NDST3: variants seen among roughly 807,000 people sequenced by gnomAD.
NDST3 encodes the protein N-deacetylase and N-sulfotransferase 3.
Under a neutral mutation model 96.1 loss-of-function variants are expected in NDST3, and 58 were observed. The ratio of observed to expected loss-of-function variants is 0.60; its 90% CI spans 0.49 to 0.75. The LOEUF (loss-of-function observed/expected upper bound fraction) is 0.75. NDST3 is among the 30% of genes least tolerant of loss of function. The pLI is 0.00. For missense variants in NDST3, 788 were observed against 1,034.2 expected (o/e 0.76, Z 3.27); for synonymous variants, 333 against 359.7 (o/e 0.93, Z 0.84).
At chr4:118,213,736 C>T (rs1222837651) in intron 6 of NDST3, among the ~76,000 whole-genome samples, 5 of 149,816 alleles carry the variant, frequency 3.3e-5, no homozygotes, top group East Asian at 3.9e-4. Context: ...ATAATATATA[C>T]TTTTTTATAT....
chr4:118,222,649 T>A (rs1230302124), intron 6 of NDST3, among the ~76,000 whole-genome samples: 5 of 152,052 alleles, frequency 3.3e-5, no homozygotes, highest in African/African-American at 9.7e-5. Flanking sequence ...CTAAGTAGGT[T>A]TTCTTTTACA....
intron 8 of NDST3, among the ~76,000 whole-genome samples, chr4:118,230,616 G>A (rs886685785): frequency 6.6e-6 from 1 of 151,774 alleles, no homozygotes; most frequent in East Asian, 1.9e-4. Flanking sequence ...TTATAACAAA[G>A]ACTTACCGAA....
At chr4:118,057,764 A>G (rs1725547451) in intron 2 of NDST3, among the ~76,000 whole-genome samples, 1 of 152,108 alleles carries the variant, frequency 6.6e-6, no homozygotes. Flanking sequence ...AGTTGGAGTC[A>G]GGAGTTGACT....
intron 2 of NDST3, among the ~76,000 whole-genome samples, chr4:118,095,024 A>C (rs531051943): frequency 6.6e-5 from 10 of 151,990 alleles, no homozygotes; most frequent in Admixed American, 1.3e-4. Context: ...CACCTTGTAC[A>C]CTATAAATAC....
In NDST3 at chr4:118,242,153, A is replaced by G; in HGVS notation, c.2399+4A>G. On this transcript the variant is annotated splice_donor_region_variant and intron_variant, in intron 12 of 13. Coordinates refer to ENST00000296499, the MANE Select transcript of NDST3 (RefSeq NM_004784.3). Reference sequence around the variant, plus strand: ...ATAATTACTCAGAAGCTTTAACGTAAGTTTATATTCTAATTAGTTTATTGA... The same window carrying G: ...ATAATTACTCAGAAGCTTTAACGTAGGTTTATATTCTAATTAGTTTATTGA... 6.5e-7 allele frequency: 1 copy of G among 1,546,150 alleles called. No individual in the cohort carries two copies. Among genetic ancestry groups the G allele is most frequent in the Admixed American group, 1.7e-5 (1 of 57,840 alleles).
chr4:118,107,149 A>G (rs1046385933), intron 3 of NDST3, among the ~76,000 whole-genome samples: 13 of 152,144 alleles, frequency 8.5e-5, no homozygotes, highest in Admixed American at 8.5e-4. Context: ...CCAGTATTGA[A>G]AAGACCATCC....
At position 118,079,154 on chromosome 4, in the gene NDST3, G is replaced by A. The variant is rs1378646067; in HGVS notation, c.981+24263G>A. ...AGGCATTGTTCTAGGAGCTGGTGGT[G>A]TAGTGGTAGCCAAAATGAACAAGTC... On this transcript the variant is annotated intron_variant, in intron 2 of 13. Transcript: ENST00000296499. 3.3e-5 allele frequency among the ~76,000 whole-genome samples: 5 copies of A among 152,210 alleles called. No homozygotes were observed. In the East Asian group the frequency reaches 9.6e-4, roughly 29 times the overall value.
intron 6 of NDST3, among the ~76,000 whole-genome samples, chr4:118,147,414 T>C (rs1242267624): frequency 2.6e-5 from 4 of 152,206 alleles, no homozygotes; most frequent in Non-Finnish European, 4.4e-5. Context: ...GTAATATACC[T>C]AGATACAAAC....
chr4:118,068,312 G>A (rs11098422), intron 2 of NDST3, among the ~76,000 whole-genome samples: 114,266 of 151,646 alleles, frequency 0.75, 45,661 homozygotes, highest in South Asian at 0.92. Context: ...TACTTTTATT[G>A]TTGATGAACC....
chr4:118,137,859 A>G (rs146606211), intron 4 of NDST3, among the ~76,000 whole-genome samples, 195 bp from the exon 5 acceptor site: 7 of 152,330 alleles, frequency 4.6e-5, no homozygotes, highest in African/African-American at 1.7e-4. Context: ...ATGCATCAAC[A>G]TAAGGACTGG....
At chr4:118,150,434 T>G (rs1186134841) in intron 6 of NDST3, among the ~76,000 whole-genome samples, 1 of 151,824 alleles carries the variant, frequency 6.6e-6, no homozygotes, top group African/African-American at 2.4e-5. Context: ...GAAACTACCA[T>G]CAGAGTGAAC....
chr4:118,150,646 T>C (rs7666861), intron 6 of NDST3, among the ~76,000 whole-genome samples: 1,722 of 151,474 alleles, frequency 0.011, 37 homozygotes, highest in African/African-American at 0.038. Flanking sequence ...ATGCTCACCA[T>C]CACTGGCCAT....
In NDST3 at chr4:118,192,714, T is replaced by G. The variant is rs1177077516; in HGVS notation, c.1540-31777T>G. On this transcript the variant is annotated intron_variant, in intron 6 of 13. Transcript: ENST00000296499. ...TGTAGTATAATTTGTTTTTTGTGGG[T>G]TTTTTTTTTTGTTTTTATTGTTTCC... 1.7e-4 allele frequency among the ~76,000 whole-genome samples: 19 copies of G among 114,502 alleles called. 1 individual carries two copies. Among genetic ancestry groups the G allele is most frequent in the East Asian group, 9.0e-4 (4 of 4,420 alleles). 75.1% of individuals were successfully genotyped at this position (114,502 alleles called of 152,430 possible).
chr4:118,201,302 G>A (rs1560714361), intron 6 of NDST3, among the ~76,000 whole-genome samples: 1 of 152,236 alleles, frequency 6.6e-6, no homozygotes, highest in Non-Finnish European at 1.5e-5. Context: ...TGTAAACCTA[G>A]TAATGGTATG....
At chr4:118,122,933 T>C (rs7685325) in intron 4 of NDST3, among the ~76,000 whole-genome samples, 120,568 of 152,140 alleles carry the variant, frequency 0.79, 50,235 homozygotes, top group South Asian at 0.92. Context: ...GAAAGGGTTT[T>C]ATCCCAGGTC....
At chr4:118,152,550 T>C (rs1734467158) in intron 6 of NDST3, among the ~76,000 whole-genome samples, 1 of 152,182 alleles carries the variant, frequency 6.6e-6, no homozygotes, top group African/African-American at 2.4e-5. Flanking sequence ...AAAAGGGGCC[T>C]ACTGTAAATA....
chr4:118,150,771 A>T (rs1734334663), intron 6 of NDST3, among the ~76,000 whole-genome samples: 1 of 151,686 alleles, frequency 6.6e-6, no homozygotes, highest in African/African-American at 2.4e-5. Context: ...AAATAGGAAC[A>T]CTTTTACACT....
At chr4:118,038,995 G>A (rs755561643) in intron 1 of NDST3, among the ~76,000 whole-genome samples, 3 of 152,182 alleles carry the variant, frequency 2.0e-5, no homozygotes, top group Admixed American at 6.5e-5. Flanking sequence ...CAGAATATAT[G>A]TTTGTATATA....
At chr4:118,145,849 A>G (rs926171004) in intron 6 of NDST3, among the ~76,000 whole-genome samples, 1 of 152,206 alleles carries the variant, frequency 6.6e-6, no homozygotes, top group Non-Finnish European at 1.5e-5. Context: ...ATGCCACAAG[A>G]CAGACAAGGA....
Sources: allele counts gnomAD v4.1 joint callset (sites outside exome capture counted in the v4.1 genomes callset), GRCh38; gene constraint gnomAD v4.1.1; transcripts MANE v1.5; gene names NCBI Gene and HGNC (gene_info 2026-07-23, HGNC 2026-07-21).